The following EXPH5 variants were observed in gnomAD, a reference collection of about 807,000 sequenced individuals.
EXPH5 encodes the protein exophilin-5.
EXPH5 carries 42 observed loss-of-function variants against 41.1 expected under a neutral mutation model. That is an observed-to-expected ratio of 1.02 (90% CI 0.80 to 1.32). EXPH5 has a LOEUF of 1.32. EXPH5 is among the 40% of genes most tolerant of loss of function. EXPH5 has a pLI of 0.00. For synonymous variants in EXPH5, 798 were observed against 833.5 expected (o/e 0.96, Z 0.73); for missense variants, 2,298 against 2,314.5 (o/e 0.99, Z 0.15).
chr11:108,554,086 C>T (rs1199940370), intron 1 of EXPH5, among the ~76,000 whole-genome samples: 1 of 139,166 alleles, frequency 7.2e-6, no homozygotes, highest in African/African-American at 2.7e-5. Flanking sequence ...TTTTTGGTGA[C>T]AGGGTCTTGC....
chr11:108,564,466 T>C (rs2094026067), intron 1 of EXPH5, among the ~76,000 whole-genome samples: 1 of 152,218 alleles, frequency 6.6e-6, no homozygotes, highest in Non-Finnish European at 1.5e-5. Flanking sequence ...ACATTAAGAA[T>C]GCTATGCTAT....
chr11:108,601,207 T>A, the EXPH5 span, among the ~76,000 whole-genome samples: 37 of 152,334 alleles, frequency 2.4e-4, no homozygotes, highest in East Asian at 7.1e-3. Flanking sequence ...CTAATTATTG[T>A]GCAGATCAAA....
chr11:108,594,022 C>G (rs1395753335), upstream of EXPH5, among the ~76,000 whole-genome samples: 2 of 152,188 alleles, frequency 1.3e-5, no homozygotes, highest in Non-Finnish European at 2.9e-5. Flanking sequence ...AGAACTTGAG[C>G]TTGATTAGTA....
At chr11:108,532,721 C>T (rs1434601878) in intron 3 of EXPH5, among the ~76,000 whole-genome samples, 1 of 152,116 alleles carries the variant, frequency 6.6e-6, no homozygotes, top group Non-Finnish European at 1.5e-5. Context: ...GAAAGCCCAG[C>T]CTGCCATAGA....
intron 1 of EXPH5, among the ~76,000 whole-genome samples, chr11:108,584,537 G>A (rs1176408685): frequency 6.6e-6 from 1 of 151,534 alleles, no homozygotes; most frequent in African/African-American, 2.4e-5. Flanking sequence ...TAAAGCCACA[G>A]TAATCAGGAT....
intron 1 of EXPH5, among the ~76,000 whole-genome samples, chr11:108,544,444 A>G (rs1184861801): frequency 1.3e-5 from 2 of 152,200 alleles, no homozygotes; most frequent in Admixed American, 1.3e-4. Context: ...TTGAGATTAC[A>G]AGCGTGAGCC....
chr11:108,577,741 C>T (rs1326230049), intron 1 of EXPH5, among the ~76,000 whole-genome samples: 1 of 152,080 alleles, frequency 6.6e-6, no homozygotes, highest in Non-Finnish European at 1.5e-5. Context: ...GCCATTTTAA[C>T]TGGGGTGAAA....
intron 4 of EXPH5, among the ~76,000 whole-genome samples, chr11:108,524,991 C>A (rs1174342516): frequency 6.6e-6 from 1 of 152,184 alleles, no homozygotes; most frequent in Non-Finnish European, 1.5e-5. Flanking sequence ...TGGGCGATGA[C>A]TGAATCACGG....
At chr11:108,553,291 A>T (rs60135609) in intron 1 of EXPH5, among the ~76,000 whole-genome samples, 2,091 of 152,346 alleles carry the variant, frequency 0.014, 52 homozygotes, top group African/African-American at 0.046. Context: ...AAGGTAAGTT[A>T]TCTAAGTAAC....
rs556098475 is a variant in EXPH5, at chr11:108,528,109, G to A, written c.492+27C>T. ...TTACATAAATTCTGAATTTCTTAGAGTAACCTGTAGTTATCTGGTTACTTA... is the reference window on the plus strand; with the variant it reads ...TTACATAAATTCTGAATTTCTTAGAATAACCTGTAGTTATCTGGTTACTTA... On this transcript the variant is annotated intron_variant, in intron 4 of 5. Coordinates refer to ENST00000265843, the MANE Select transcript of EXPH5 (RefSeq NM_015065.3). The A allele has an allele frequency of 1.3e-4, 198 of 1,530,832 alleles. 1 individual carries two copies. The South Asian group carries it at 2.1e-3, about 16-fold the overall frequency. 94.8% of individuals were successfully genotyped at this position (1,530,832 alleles called of 1,614,324 possible).
intron 1 of EXPH5, among the ~76,000 whole-genome samples, chr11:108,591,613 A>T (rs958993693): frequency 2.6e-5 from 4 of 152,240 alleles, no homozygotes; most frequent in Admixed American, 6.5e-5. Context: ...TTGTCTTAGC[A>T]TTATGGCTTT....
intron 1 of EXPH5, among the ~76,000 whole-genome samples, chr11:108,564,350 C>G (rs2136086019): frequency 6.6e-6 from 1 of 152,196 alleles, no homozygotes; most frequent in East Asian, 1.9e-4. Flanking sequence ...TTGTTATATT[C>G]CATGATTCCT....
Position 108,540,601 on chromosome 11 carries a change from G to A in EXPH5, c.280+1051C>T, listed in dbSNP as rs146119421. Among the ~76,000 whole-genome samples the A allele has an allele frequency of 5.9e-3, 896 of 152,190 alleles. 1 individual carries two copies. The highest frequency in any genetic ancestry group is 0.014 in the Middle Eastern group (4 of 294). ...GCAAAAATGCAGTCAATGTGACTCC[G>A]CGTCAGTAAAAAGATATTTTATTTT... On this transcript the variant is annotated intron_variant, in intron 2 of 5. Transcript: ENST00000265843.
upstream of EXPH5, among the ~76,000 whole-genome samples, chr11:108,594,304 GAAAC>G (rs777567421): frequency 2.0e-5 from 3 of 152,126 alleles, no homozygotes; most frequent in South Asian, 2.1e-4. Flanking sequence ...TTAGACTTTA[GAAAC>G]AAACAAACAA....
In EXPH5 at chr11:108,514,728, T is replaced by G. The variant is rs1318130399; in HGVS notation, c.779A>C (p.Lys260Thr). 1 of 1,610,568 alleles carries G rather than the reference T, an allele frequency of 6.2e-7. No homozygotes were observed. The highest frequency in any genetic ancestry group is 1.3e-5 in the African/African-American group (1 of 74,720). ...ATTGGAAGTTTCATTATAGTGTTTT[T>G]TGTGCCTTTCTGTGATATTACCATG... ...NRHGNITERHKKHYNETSNMS... is the reference protein window; with the variant it reads ...NRHGNITERHTKHYNETSNMS... Residue 260 changes from lysine (K) to threonine (T), a missense_variant, in exon 6 of 6, where the codon AAA (lysine) becomes ACA (threonine). Lys to Thr is a moderately conservative substitution (Grantham distance 78, BLOSUM62 -1). Coordinates refer to ENST00000265843, the MANE Select transcript of EXPH5 (RefSeq NM_015065.3).
intron 1 of EXPH5, among the ~76,000 whole-genome samples, chr11:108,585,044 A>G (rs1195744503): frequency 6.6e-6 from 1 of 152,178 alleles, no homozygotes; most frequent in Non-Finnish European, 1.5e-5. Flanking sequence ...GAATTCTCAA[A>G]ATTCATCAAT....
rs1591657573 is a variant in EXPH5, at chr11:108,510,254, C to T, written c.5253G>A (p.Arg1751=). 3 of 1,613,830 alleles carry T rather than the reference C, an allele frequency of 1.9e-6. No homozygotes were observed. Among genetic ancestry groups the T allele is most frequent in the Admixed American group, 1.7e-5 (1 of 59,982 alleles). ...REAEFSDNQR[R]LSPPFPLEPA... ...GCTCCAGTGGAAAAGGAGGGCTCAG[C>T]CTCCTCTGATTGTCAGAGAATTCTG... Residue 1751 remains arginine (R), a synonymous_variant, in exon 6 of 6, where the codon AGG becomes AGA. Transcript: ENST00000265843.
At chr11:108,532,854 G>A (rs188649165) in intron 3 of EXPH5, among the ~76,000 whole-genome samples, 293 of 151,986 alleles carry the variant, frequency 1.9e-3, no homozygotes, top group African/African-American at 6.5e-3. Context: ...CACTTTCTCC[G>A]GGAGCCCTAC....
At chr11:108,562,505 AG>A (rs34477838) in intron 1 of EXPH5, among the ~76,000 whole-genome samples, 20,264 of 152,010 alleles carry the variant, frequency 0.13, 2,195 homozygotes, top group East Asian at 0.44. Flanking sequence ...GCTACTAGAG[AG>A]GCTGAGGTGG....
Sources: allele counts gnomAD v4.1 joint callset (sites outside exome capture counted in the v4.1 genomes callset), GRCh38; gene constraint gnomAD v4.1.1; transcripts MANE v1.5; gene names NCBI Gene and HGNC (gene_info 2026-07-23, HGNC 2026-07-21).